Variants in CDKL4 observed in about 807,000 individuals in gnomAD.
CDKL4 encodes cyclin-dependent kinase-like 4.
In CDKL4, 44 loss-of-function variants were observed where a neutral mutation model predicts 42.0. The observed-to-expected ratio is 1.05, with a 90% confidence interval of 0.82 to 1.35. The LOEUF (loss-of-function observed/expected upper bound fraction) is 1.35, where lower values mean the gene tolerates loss of function less well. Ranked by LOEUF, CDKL4 falls within the 40% of genes most tolerant of loss-of-function variation. The pLI, the probability that CDKL4 is intolerant of heterozygous loss-of-function variation, is 0.00. For synonymous variants in CDKL4, 120 were observed against 121.6 expected (o/e 0.99, Z 0.09); for missense variants, 393 against 369.9 (o/e 1.06, Z -0.51).
chr2:39,179,310 C>T (rs148350148), exon 9 of CDKL4: 31 of 1,598,210 alleles, frequency 1.9e-5, no homozygotes, highest in Non-Finnish European at 2.3e-5. Flanking sequence ...CTGGATTCAT[C>T]TTCAGACACC....
At chr2:39,227,882 A>G (rs1360355926) in intron 2 of CDKL4, among the ~76,000 whole-genome samples, 1 of 152,254 alleles carries the variant, frequency 6.6e-6, no homozygotes, top group African/African-American at 2.4e-5. Flanking sequence ...ACTTGCCTAA[A>G]GAAAAACAGG....
chr2:39,225,113 A>G (rs763489581), intron 3 of CDKL4, among the ~76,000 whole-genome samples: 1 of 152,144 alleles, frequency 6.6e-6, no homozygotes, highest in Non-Finnish European at 1.5e-5. Context: ...ACCATTGAGT[A>G]TAACATTGGC....
chr2:39,235,058 G>T (rs903037137), intron 1 of CDKL4, among the ~76,000 whole-genome samples: 24 of 151,844 alleles, frequency 1.6e-4, no homozygotes, highest in African/African-American at 5.6e-4. Context: ...ATTTATTTTT[G>T]TAAAGATGGG....
intron 1 of CDKL4, among the ~76,000 whole-genome samples, chr2:39,238,492 C>A (rs971812050): frequency 6.6e-6 from 1 of 152,088 alleles, no homozygotes; most frequent in Non-Finnish European, 1.5e-5. Context: ...TTCCAACAGG[C>A]TTTATTTGGA....
At chr2:39,217,934 T>C (rs866021966) in intron 3 of CDKL4, among the ~76,000 whole-genome samples, 125 of 152,132 alleles carry the variant, frequency 8.2e-4, no homozygotes, top group African/African-American at 3.0e-3. Flanking sequence ...GGTTTCTTCA[T>C]GTTGGTCAGG....
At chr2:39,242,183 C>T (rs1187631698) in intron 1 of CDKL4, among the ~76,000 whole-genome samples, 1 of 152,076 alleles carries the variant, frequency 6.6e-6, no homozygotes, top group South Asian at 2.1e-4. Context: ...GTAGCTGAGA[C>T]TACAGGCATG....
At chr2:39,217,082 G>A (rs1677971988) in intron 3 of CDKL4, among the ~76,000 whole-genome samples, 3 of 152,158 alleles carry the variant, frequency 2.0e-5, no homozygotes, top group South Asian at 2.1e-4. Flanking sequence ...ACACATCGAC[G>A]CGGCGCCCAG....
chr2:39,183,904 G>T (rs956489310), intron 8 of CDKL4, among the ~76,000 whole-genome samples: 10 of 152,110 alleles, frequency 6.6e-5, no homozygotes, highest in African/African-American at 2.4e-4. Flanking sequence ...ACAAAGGCTG[G>T]TCTACAAAAG....
chr2:39,168,606 A>G, the CDKL4 span, among the ~76,000 whole-genome samples: 1 of 151,620 alleles, frequency 6.6e-6, no homozygotes, highest in Admixed American at 6.6e-5. Context: ...GTGGTGGCTC[A>G]TATCTGTAAT....
chr2:39,199,197 G>T (rs940347178), intron 5 of CDKL4, among the ~76,000 whole-genome samples: 1 of 151,942 alleles, frequency 6.6e-6, no homozygotes, highest in African/African-American at 2.4e-5. Flanking sequence ...ATCACTCAAG[G>T]CTCCTATGAA....
intron 9 of CDKL4, chr2:39,178,808 G>A: frequency 6.4e-7 from 1 of 1,552,440 alleles, no homozygotes; most frequent in East Asian, 2.4e-5. Flanking sequence ...TGCACATCTG[G>A]AGGCTACAGA....
chr2:39,178,638 C>G, intron 9 of CDKL4: 1 of 1,586,232 alleles, frequency 6.3e-7, no homozygotes, highest in Non-Finnish European at 8.6e-7. Flanking sequence ...AGTCACCATA[C>G]TGTTCTGCAA....
chr2:39,233,044 C>CAAAAAAA (rs72150084), intron 1 of CDKL4, among the ~76,000 whole-genome samples: 118 of 64,698 alleles, frequency 1.8e-3, no homozygotes, highest in East Asian at 3.8e-3. Flanking sequence ...GACTCCATCT[C>CAAAAAAA]AAAAAAAAAA....
At chr2:39,218,229 AGT>A (rs199902023) in intron 3 of CDKL4, among the ~76,000 whole-genome samples, 5,184 of 152,038 alleles carry the variant, frequency 0.034, 128 homozygotes, top group South Asian at 0.059. Flanking sequence ...TGCCAGGTGC[AGT>A]GGCTCATGCC....
intron 6 of CDKL4, 90 bp downstream of exon 6, chr2:39,190,215 T>G: frequency 1.1e-6 from 1 of 929,288 alleles, no homozygotes; most frequent in Non-Finnish European, 1.5e-6. Flanking sequence ...AACTCTTGTT[T>G]TTTATTTTTA....
upstream of CDKL4, among the ~76,000 whole-genome samples, chr2:39,244,598 G>C (rs1195510416): frequency 6.6e-6 from 1 of 152,294 alleles, no homozygotes; most frequent in Admixed American, 6.5e-5. Context: ...CCTTCCCGAC[G>C]AGTGCCACCC....
chr2:39,173,227 G>T (rs539682313), downstream of CDKL4, among the ~76,000 whole-genome samples: 2 of 152,266 alleles, frequency 1.3e-5, no homozygotes, highest in East Asian at 3.9e-4. Context: ...AATATAGAGA[G>T]ATATATATTT....
chr2:39,177,791 C>CA (rs1675227408), intron 9 of CDKL4, among the ~76,000 whole-genome samples: 1 of 151,828 alleles, frequency 6.6e-6, no homozygotes. Flanking sequence ...CGGGTTCATG[C>CA]AAGTCTCCTG....
intron 4 of CDKL4, among the ~76,000 whole-genome samples, chr2:39,213,097 C>T (rs184758473): frequency 6.6e-6 from 1 of 151,542 alleles, no homozygotes; most frequent in South Asian, 2.1e-4. Context: ...TTGGAAAGAG[C>T]CATGAATAAT....
Sources: gnomAD v4.1 joint callset for allele counts (sites outside exome capture counted in the v4.1 genomes callset) on GRCh38, gnomAD v4.1.1 for gene constraint, MANE v1.5 for transcripts, NCBI Gene and HGNC (gene_info 2026-07-23, HGNC 2026-07-21) for gene names.